Variants in DSG2 observed in about 807,000 individuals in gnomAD.
The protein encoded by DSG2 is desmoglein 2.
In DSG2, 45 loss-of-function variants were observed where a neutral mutation model predicts 75.6. That is an observed-to-expected ratio of 0.60 (90% CI 0.47 to 0.76). DSG2 has a LOEUF of 0.76. DSG2 is among the 30% of genes least tolerant of loss of function. DSG2 has a pLI of 0.00. For synonymous variants in DSG2, 429 were observed against 483.9 expected (o/e 0.89, Z 1.49); for missense variants, 1,267 against 1,357.4 (o/e 0.93, Z 1.05).
chr18:31,501,488 A>T (rs544585685), intron 1 of DSG2, among the ~76,000 whole-genome samples: 1 of 152,350 alleles, frequency 6.6e-6, no homozygotes, highest in African/African-American at 2.4e-5. Context: ...GAGGCTAGAA[A>T]TCCAAAATCA....
At chr18:31,504,528 C>G (rs1021281797) in intron 1 of DSG2, among the ~76,000 whole-genome samples, 2 of 151,606 alleles carry the variant, frequency 1.3e-5, no homozygotes, top group African/African-American at 4.9e-5. Context: ...GTGCTTCTCA[C>G]CCCTTTTTAT....
intron 8 of DSG2, among the ~76,000 whole-genome samples, chr18:31,529,478 T>C (rs780758310): frequency 6.6e-6 from 1 of 152,216 alleles, no homozygotes; most frequent in Non-Finnish European, 1.5e-5. Context: ...CACAAAGATA[T>C]TACAATCACA....
In DSG2 at chr18:31,518,219, C is replaced by G. The variant is rs1342331958; in HGVS notation, c.46-20C>G. 2.3e-5 allele frequency: 37 copies of G among 1,603,422 alleles called. No individual in the cohort carries two copies. The Admixed American group carries it at 5.5e-4, about 24-fold the overall frequency. The stretch of plus-strand genomic sequence containing the variant: ...ATTGAGCAGTAAATTGGCTAAATAT[C>G]AAATAATTTTATTTTACAGATCTGC... On this transcript the variant is annotated intron_variant, in intron 1 of 14. Coordinates refer to ENST00000261590, the MANE Select transcript of DSG2 (RefSeq NM_001943.5).
intron 1 of DSG2, among the ~76,000 whole-genome samples, chr18:31,503,027 G>C (rs1227675725): frequency 1.3e-5 from 2 of 152,180 alleles, no homozygotes; most frequent in Admixed American, 1.3e-4. Flanking sequence ...TTAGAGTGAA[G>C]AAGCTGGAAC....
chr18:31,531,359 A>T (rs2073197844), intron 9 of DSG2, 107 bp downstream of exon 9: 1 of 1,352,824 alleles, frequency 7.4e-7, no homozygotes, highest in Non-Finnish European at 1.0e-6. Flanking sequence ...ATCCAGCATT[A>T]TAGTTCCCCA....
intron 1 of DSG2, among the ~76,000 whole-genome samples, chr18:31,513,949 T>C (rs1330621535): frequency 1.3e-5 from 2 of 152,120 alleles, no homozygotes; most frequent in Admixed American, 1.3e-4. Flanking sequence ...TGGAGGACAC[T>C]GTGCAGGATA....
At chr18:31,526,098 C>T (rs1448099050) in intron 8 of DSG2, among the ~76,000 whole-genome samples, 4 of 152,110 alleles carry the variant, frequency 2.6e-5, no homozygotes, top group African/African-American at 7.2e-5. Context: ...GAGCCAAGAT[C>T]GTGCCATTGC....
chr18:31,512,047 A>G (rs114946847), intron 1 of DSG2, among the ~76,000 whole-genome samples: 254 of 152,304 alleles, frequency 1.7e-3, no homozygotes, highest in African/African-American at 5.8e-3. Context: ...TTCCTTAACT[A>G]AAACCGACTG....
intron 10 of DSG2, among the ~76,000 whole-genome samples, 198 bp downstream of exon 10, chr18:31,535,610 A>G (rs948733725): frequency 4.6e-5 from 7 of 152,136 alleles, no homozygotes; most frequent in Non-Finnish European, 1.0e-4. Context: ...TCTGGCCAAC[A>G]TGGTGAAACC....
chr18:31,530,785 C>T (rs1286790088), intron 8 of DSG2, among the ~76,000 whole-genome samples: 1 of 152,066 alleles, frequency 6.6e-6, no homozygotes, highest in Non-Finnish European at 1.5e-5. Flanking sequence ...ACTTCCTAAA[C>T]ATCCTTAACA....
chr18:31,535,995 T>G (rs1372031485), intron 10 of DSG2, among the ~76,000 whole-genome samples: 1 of 152,188 alleles, frequency 6.6e-6, no homozygotes, highest in African/African-American at 2.4e-5. Context: ...AATAAGCACC[T>G]AATTTCTCCA....
intron 1 of DSG2, among the ~76,000 whole-genome samples, chr18:31,499,760 A>G (rs1183062876): frequency 6.6e-6 from 1 of 152,174 alleles, no homozygotes; most frequent in African/African-American, 2.4e-5. Flanking sequence ...TAATGTAGCA[A>G]TCAGGCCAAT....
intron 11 of DSG2, among the ~76,000 whole-genome samples, chr18:31,537,978 A>T (rs1024084637): frequency 1.3e-5 from 2 of 152,190 alleles, no homozygotes; most frequent in Admixed American, 1.3e-4. Flanking sequence ...TGGGCAACAG[A>T]ACGAGACTCC....
In DSG2 at chr18:31,524,751, A is replaced by G. The variant is rs2230234; in HGVS notation, c.877A>G (p.Ile293Val). 125,941 of 1,614,152 alleles carry G rather than the reference A, an allele frequency of 0.078. 5,572 individuals carry two copies. Among genetic ancestry groups the G allele is most frequent in the Middle Eastern group, 0.09 (548 of 6,060 alleles). Reference sequence around the variant, plus strand: ...TCAAGTCAACGTAGAAGTTACGCGCATAAAAGTGTTCGATGCAGATGAAAT... The same window carrying G: ...TCAAGTCAACGTAGAAGTTACGCGCGTAAAAGTGTTCGATGCAGATGAAAT... ...ENQVNVEVTR[I>V]KVFDADEIGS... Residue 293 changes from isoleucine (I) to valine (V), a missense_variant, in exon 8 of 15, where the codon ATA (isoleucine) becomes GTA (valine). Ile to Val is a conservative substitution (Grantham distance 29). Coordinates refer to ENST00000261590, the MANE Select transcript of DSG2 (RefSeq NM_001943.5).
At chr18:31,512,353 T>G (rs750190804) in intron 1 of DSG2, among the ~76,000 whole-genome samples, 2 of 152,192 alleles carry the variant, frequency 1.3e-5, no homozygotes, top group Non-Finnish European at 2.9e-5. Context: ...GCCTCTGCCT[T>G]CAAAATAAAC....
At chr18:31,535,518 G>A (rs1244321192) in intron 10 of DSG2, 106 bp downstream of exon 10, 30 of 1,041,756 alleles carry the variant, frequency 2.9e-5, no homozygotes, top group Admixed American at 2.6e-4. Flanking sequence ...AATCTCGGCC[G>A]GGAGCAGTGG....
rs1396387126 is a variant in DSG2, at chr18:31,546,086, G to T, written c.2700G>T (p.Glu900Asp). Residue 900 changes from glutamate to aspartate, a missense_variant, in exon 15 of 15, where the codon GAG becomes GAT. By Grantham distance (45) the Glu-to-Asp change is conservative (BLOSUM62 2). Transcript: ENST00000261590. ...VPKSLQEANA[E>D]KVTQEIVTER... The stretch of plus-strand genomic sequence containing the variant: ...AATCTTTGCAAGAAGCCAATGCAGA[G>T]AAAGTAACTCAGGAAATAGTCACTG... 4 of 1,614,206 alleles carry T rather than the reference G, an allele frequency of 2.5e-6. No individual in the cohort carries two copies. Among genetic ancestry groups the T allele is most frequent in the Non-Finnish European group, 3.4e-6 (4 of 1,180,042 alleles).
intron 1 of DSG2, among the ~76,000 whole-genome samples, chr18:31,512,651 T>A (rs937047149): frequency 2.0e-5 from 3 of 152,214 alleles, no homozygotes; most frequent in African/African-American, 7.2e-5. Context: ...CCCTGTGACA[T>A]CATCATCACT....
intron 1 of DSG2, among the ~76,000 whole-genome samples, chr18:31,512,438 T>C (rs1400433129): frequency 2.0e-5 from 3 of 152,256 alleles, no homozygotes; most frequent in Non-Finnish European, 4.4e-5. Context: ...TTGCACGTGC[T>C]TCTGCAATGA....
Sources: gnomAD v4.1 joint callset for allele counts (sites outside exome capture counted in the v4.1 genomes callset) on GRCh38, gnomAD v4.1.1 for gene constraint, MANE v1.5 for transcripts, NCBI Gene and HGNC (gene_info 2026-07-23, HGNC 2026-07-21) for gene names.